Variants in CCDC7 observed in about 807,000 individuals in gnomAD.
The protein encoded by CCDC7 is coiled-coil domain containing 7.
CCDC7 carries 183 observed loss-of-function variants against 196.9 expected under a neutral mutation model. The observed-to-expected ratio is 0.93, with a 90% CI of 0.82 to 1.05. CCDC7 has a LOEUF of 1.05. CCDC7 is among the 50% of genes least tolerant of loss of function. The probability of loss-of-function intolerance (pLI) is 0.00; values close to 1 mark genes in which losing one functional copy is unlikely to be tolerated. For synonymous variants in CCDC7, 525 were observed against 484.6 expected, an observed-to-expected ratio of 1.08 and a Z score of -1.10; for missense variants, 1,540 against 1,482.2, an observed-to-expected ratio of 1.04 and a Z score of -0.64.
At chr10:32,834,704 ATTAAG>A (rs1233111456) in intron 32 of CCDC7, 106 bp from the exon 34 acceptor site, 2 of 503,976 alleles carry the variant, frequency 4.0e-6, no homozygotes, top group Non-Finnish European at 7.3e-6. Context: ...ACTGATGCTA[ATTAAG>A]TTATTACTAT....
intron 20 of CCDC7, among the ~76,000 whole-genome samples, chr10:32,642,504 G>C (rs2067013471): frequency 6.6e-6 from 1 of 152,200 alleles, no homozygotes; most frequent in African/African-American, 2.4e-5. Flanking sequence ...GAAGAGCGCA[G>C]TATTAGTTTG....
At chr10:32,709,488 G>A (rs2080440101) in intron 24 of CCDC7, among the ~76,000 whole-genome samples, 1 of 151,598 alleles carries the variant, frequency 6.6e-6, no homozygotes, top group Non-Finnish European at 1.5e-5. Context: ...AAATAAATAA[G>A]AAAACTAACC....
chr10:32,745,590 G>A (rs990132239), intron 28 of CCDC7, among the ~76,000 whole-genome samples: 1 of 152,046 alleles, frequency 6.6e-6, no homozygotes, highest in Non-Finnish European at 1.5e-5. Context: ...ATTCATGAGG[G>A]ACCTGCCCTC....
At chr10:32,789,703 G>C (rs955257980) in intron 29 of CCDC7, among the ~76,000 whole-genome samples, 1 of 152,090 alleles carries the variant, frequency 6.6e-6, no homozygotes, top group African/African-American at 2.4e-5. Context: ...GGCCATGAAG[G>C]CAGAGTGAAT....
At chr10:32,683,855 A>G (rs1467842734) in intron 21 of CCDC7, among the ~76,000 whole-genome samples, 1 of 152,164 alleles carries the variant, frequency 6.6e-6, no homozygotes, top group East Asian at 1.9e-4. Flanking sequence ...CTGCTTAGTA[A>G]GGAGTAGCAA....
intron 41 of CCDC7, among the ~76,000 whole-genome samples, chr10:32,867,701 C>G (rs1312374933): frequency 1.3e-5 from 2 of 151,408 alleles, no homozygotes; most frequent in Non-Finnish European, 3.0e-5. Flanking sequence ...AGAAATAATT[C>G]TCATTAAAGA....
chr10:32,459,646 A>C (rs912546249), intron 3 of CCDC7, among the ~76,000 whole-genome samples: 1 of 68,720 alleles, frequency 1.5e-5, no homozygotes, highest in Non-Finnish European at 2.5e-5. Context: ...CCTGCTGCAC[A>C]TTTTTTTTTT....
chr10:32,689,220 G>T, intron 23 of CCDC7, 57 bp downstream of exon 24: 1 of 1,161,640 alleles, frequency 8.6e-7, no homozygotes, highest in Non-Finnish European at 1.2e-6. Context: ...TCATCCGAAG[G>T]TATTTTTGCT....
chr10:32,503,558 C>T (rs2044405792), intron 9 of CCDC7, among the ~76,000 whole-genome samples: 1 of 152,136 alleles, frequency 6.6e-6, no homozygotes. Flanking sequence ...AAGATTTTTA[C>T]ATCTATATTC....
rs576947786 is a variant in CCDC7 at position 32,647,639 on chromosome 10, A to G, written c.2014+12481A>G. On this transcript the variant is annotated intron_variant, in intron 20 of 41. Coordinates refer to ENST00000639629, the Ensembl canonical transcript of CCDC7. Reference sequence around the variant, plus strand: ...TGTTGGCAGCATATGTCTTTTTTTGATAAGTGTCTGTTCATGTCTGTTGCC... The same window carrying G: ...TGTTGGCAGCATATGTCTTTTTTTGGTAAGTGTCTGTTCATGTCTGTTGCC... Among the ~76,000 whole-genome samples the G allele has an allele frequency of 5.7e-4, 86 of 151,862 alleles. No homozygotes were observed. The South Asian group carries it at 0.018, about 31-fold the overall frequency.
chr10:32,773,386 C>T (rs2079472680), intron 28 of CCDC7, among the ~76,000 whole-genome samples: 1 of 152,020 alleles, frequency 6.6e-6, no homozygotes, highest in Admixed American at 6.5e-5. Context: ...TTTTGCTCCT[C>T]TAATTGTATA....
intron 9 of CCDC7, among the ~76,000 whole-genome samples, chr10:32,504,796 A>G (rs1459467380): frequency 6.6e-6 from 1 of 152,198 alleles, no homozygotes; most frequent in Non-Finnish European, 1.5e-5. Flanking sequence ...CTTCTTAAGT[A>G]TATTAAGACA....
intron 22 of CCDC7, among the ~76,000 whole-genome samples, chr10:32,687,291 C>T (rs1325915471): frequency 1.3e-5 from 2 of 152,194 alleles, no homozygotes; most frequent in Non-Finnish European, 2.9e-5. Context: ...CTCCCTCAGG[C>T]AATTTTTGGA....
At chr10:32,511,668 T>C in intron 9 of CCDC7, 7 of 1,572,034 alleles carry the variant, frequency 4.5e-6, no homozygotes, top group Non-Finnish European at 6.1e-6. Context: ...ACAGCACCAA[T>C]GGAATTCTCA....
At chr10:32,864,990 T>C (rs988738495) in intron 41 of CCDC7, among the ~76,000 whole-genome samples, 1 of 151,834 alleles carries the variant, frequency 6.6e-6, no homozygotes, top group Non-Finnish European at 1.5e-5. Flanking sequence ...TGTACCTAAA[T>C]CTTAAATCCC....
intron 23 of CCDC7, 77 bp from the exon 25 acceptor site, chr10:32,694,802 A>G (rs1429357025): frequency 2.4e-6 from 2 of 829,562 alleles, no homozygotes; most frequent in Admixed American, 3.0e-5. Flanking sequence ...TTGCTACACA[A>G]TTACAAGTTT....
chr10:32,799,892 T>A (rs2084417822), intron 29 of CCDC7, among the ~76,000 whole-genome samples: 1 of 152,230 alleles, frequency 6.6e-6, no homozygotes, highest in Admixed American at 6.5e-5. Context: ...AGTTGATATA[T>A]CCCTGAGGTA....
chr10:32,521,809 C>T (rs2047923406), intron 11 of CCDC7, among the ~76,000 whole-genome samples: 1 of 152,014 alleles, frequency 6.6e-6, no homozygotes, highest in African/African-American at 2.4e-5. Context: ...CAGTTTTTTC[C>T]CATTCAGAGT....
At chr10:32,498,273 CTA>C (rs952248559) in intron 9 of CCDC7, among the ~76,000 whole-genome samples, 6 of 151,980 alleles carry the variant, frequency 3.9e-5, no homozygotes, top group Non-Finnish European at 7.4e-5. Context: ...TATTTTGAGC[CTA>C]TGTGTGTCTT....
Sources: gnomAD v4.1 joint callset for allele counts (sites outside exome capture counted in the v4.1 genomes callset) on GRCh38, gnomAD v4.1.1 for gene constraint, MANE v1.5 for transcripts, NCBI Gene and HGNC (gene_info 2026-07-23, HGNC 2026-07-21) for gene names.